RAB10: variants seen among roughly 807,000 people sequenced by gnomAD.
RAB10 encodes the protein RAB10, member RAS oncogene family.
RAB10 carries 5 observed loss-of-function variants against 25.7 expected under a neutral mutation model. The ratio of observed to expected loss-of-function variants is 0.19; its 90% CI spans 0.10 to 0.41. The LOEUF (loss-of-function observed/expected upper bound fraction) is 0.41. RAB10 is among the 10% of genes least tolerant of loss of function. The probability of loss-of-function intolerance (pLI) is 1.00; values close to 1 mark genes in which losing one functional copy is unlikely to be tolerated. For synonymous variants in RAB10, 89 were observed against 86.4 expected (o/e 1.03, Z -0.16); for missense variants, 103 against 245.8 (o/e 0.42, Z 3.89).
rs796327607 is a variant in RAB10 at position 26,132,764 on chromosome 2, C to CG, written c.520-2174_520-2173insG. Among the ~76,000 whole-genome samples, 76 of 137,068 alleles carry CG rather than the reference C, an allele frequency of 5.5e-4. 1 individual carries two copies. In the East Asian group the frequency reaches 0.011, roughly 20 times the overall value. The allele number at this position is 137,068 out of a possible 152,430, so 89.9% of individuals were successfully genotyped here. On this transcript the variant is annotated intron_variant, in intron 5 of 5. Coordinates refer to ENST00000264710, the MANE Select transcript of RAB10 (RefSeq NM_016131.5). ...AAGATTTTGCTCCGCAAGAGATACC[C>CG]CCCCCCCTTTTTTTTAAATCTGTTT...
intron 1 of RAB10, among the ~76,000 whole-genome samples, chr2:26,035,412 A>G (rs887827941): frequency 4.6e-5 from 7 of 152,252 alleles, no homozygotes; most frequent in Admixed American, 3.9e-4. Flanking sequence ...TCTCTCTTCT[A>G]TTTTATTTGA....
chr2:26,055,991 C>A (rs553316196), intron 1 of RAB10, among the ~76,000 whole-genome samples: 1 of 151,886 alleles, frequency 6.6e-6, no homozygotes, highest in African/African-American at 2.4e-5. Context: ...AACTTCCAGG[C>A]TCAAGCGATC....
intron 1 of RAB10, among the ~76,000 whole-genome samples, chr2:26,082,220 G>A (rs922213478): frequency 6.6e-6 from 1 of 152,068 alleles, no homozygotes; most frequent in Admixed American, 6.5e-5. Context: ...GTATAATTCT[G>A]TAAGGTTCTT....
intron 1 of RAB10, among the ~76,000 whole-genome samples, chr2:26,046,693 T>C (rs547941700): frequency 1.3e-5 from 2 of 152,254 alleles, no homozygotes; most frequent in Admixed American, 6.5e-5. Flanking sequence ...CTGGGATTTA[T>C]AGGTGGGAGC....
chr2:26,112,721 C>A (rs553961691), intron 3 of RAB10, among the ~76,000 whole-genome samples: 2 of 152,202 alleles, frequency 1.3e-5, no homozygotes, highest in South Asian at 4.2e-4. Context: ...TATTATCATA[C>A]CACTGTGCTT....
chr2:26,106,323 C>G (rs549201342), intron 2 of RAB10, among the ~76,000 whole-genome samples: 1 of 152,282 alleles, frequency 6.6e-6, no homozygotes, highest in East Asian at 1.9e-4. Flanking sequence ...ATCAATCTAT[C>G]TGGTTGTAAA....
intron 1 of RAB10, among the ~76,000 whole-genome samples, chr2:26,052,246 C>A (rs1315116129): frequency 6.6e-6 from 1 of 151,148 alleles, no homozygotes; most frequent in African/African-American, 2.4e-5. Flanking sequence ...AGTAACTGAT[C>A]ATGGTGGTTC....
Position 26,120,583 on chromosome 2 carries a change from AGGGAGTTTCTT to A in RAB10, c.328-6560_328-6550del, listed in dbSNP as rs564311246. Among the ~76,000 whole-genome samples the A allele has an allele frequency of 4.3e-4, 65 of 151,810 alleles. 2 individuals carry two copies. In the South Asian group the frequency reaches 0.013, roughly 30 times the overall value. ...AGATAAGACCATGGAATCCCTAAAT[AGGGAGTTTCTT>A]TTTTTTTTTTCTTGAGACGGAGTCT... On this transcript the variant is annotated intron_variant, in intron 3 of 5. Coordinates refer to ENST00000264710, the MANE Select transcript of RAB10 (RefSeq NM_016131.5).
chr2:26,111,255 G>A (rs1463624876), intron 3 of RAB10, among the ~76,000 whole-genome samples: 2 of 152,092 alleles, frequency 1.3e-5, no homozygotes, highest in Non-Finnish European at 2.9e-5. Context: ...CCACTGTTTT[G>A]TTGCTACAAT....
intron 1 of RAB10, among the ~76,000 whole-genome samples, chr2:26,038,053 A>T (rs1336417747): frequency 6.6e-6 from 1 of 151,186 alleles, no homozygotes; most frequent in African/African-American, 2.4e-5. Context: ...CACCTGGCTA[A>T]TTTTGTATTT....
intron 1 of RAB10, among the ~76,000 whole-genome samples, chr2:26,041,858 C>T (rs1281486428): frequency 1.3e-5 from 2 of 151,992 alleles, no homozygotes; most frequent in African/African-American, 4.8e-5. Context: ...GAGCCGAGAT[C>T]GTGCCATTGT....
chr2:26,106,179 A>G (rs868171810), intron 2 of RAB10, among the ~76,000 whole-genome samples: 1 of 152,248 alleles, frequency 6.6e-6, no homozygotes, highest in South Asian at 2.1e-4. Flanking sequence ...GTGGGAAAAC[A>G]GCAACTGGAG....
intron 1 of RAB10, among the ~76,000 whole-genome samples, chr2:26,059,633 T>C (rs1057246332): frequency 6.6e-6 from 1 of 152,184 alleles, no homozygotes; most frequent in African/African-American, 2.4e-5. Flanking sequence ...TCCAAGTATA[T>C]ATCCCAAAGA....
chr2:26,065,985 C>T (rs1399125822), intron 1 of RAB10, among the ~76,000 whole-genome samples: 1 of 152,160 alleles, frequency 6.6e-6, no homozygotes, highest in Non-Finnish European at 1.5e-5. Flanking sequence ...GTATTCTCAT[C>T]ATCACTAAAA....
chr2:26,136,981 G>C lies in RAB10; in HGVS notation c.*1960G>C, dbSNP rs553109621. 1 of 152,606 alleles carries C rather than the reference G, an allele frequency of 6.6e-6. No individual in the cohort carries two copies. Among genetic ancestry groups the C allele is most frequent in the African/African-American group, 2.4e-5 (1 of 41,456 alleles). 9.5% of individuals were successfully genotyped at this position (152,606 alleles called of 1,614,324 possible). ...TTAAACCTACTGTTGTTAGATTAAT[G>C]TATTTGTTGCTTCCCTTTATCTGGA... On this transcript the variant is annotated 3_prime_UTR_variant, in exon 6 of 6. Coordinates refer to ENST00000264710, the MANE Select transcript of RAB10 (RefSeq NM_016131.5).
At chr2:26,078,476 A>G (rs578162335) in intron 1 of RAB10, among the ~76,000 whole-genome samples, 2 of 152,348 alleles carry the variant, frequency 1.3e-5, no homozygotes, top group South Asian at 4.1e-4. Context: ...TGTACAGATC[A>G]GTGGAATAGA....
chr2:26,091,020 A>G lies in RAB10; in HGVS notation c.128-7642A>G, dbSNP rs182322057. ...AAAAAGCTGATGGAAAGCAGAGTAG[A>G]AAAGGGTGGGGCTTGTCAAGTGATG... On this transcript the variant is annotated intron_variant, in intron 1 of 5. Transcript: ENST00000264710. 4.1e-3 allele frequency among the ~76,000 whole-genome samples: 630 copies of G among 152,144 alleles called. 3 individuals are homozygous for G. The highest frequency in any genetic ancestry group is 0.015 in the African/African-American group (608 of 41,480).
intron 3 of RAB10, among the ~76,000 whole-genome samples, chr2:26,118,492 T>C (rs1233095040): frequency 6.6e-6 from 1 of 152,082 alleles, no homozygotes; most frequent in African/African-American, 2.4e-5. Context: ...TAGTCAAATA[T>C]CAGAACAACT....
At chr2:26,062,282 T>G (rs1447561114) in intron 1 of RAB10, among the ~76,000 whole-genome samples, 1 of 152,176 alleles carries the variant, frequency 6.6e-6, no homozygotes, top group Non-Finnish European at 1.5e-5. Context: ...CTCCATAGCC[T>G]TAGTGTAATT....
Sources: allele counts gnomAD v4.1 joint callset (sites outside exome capture counted in the v4.1 genomes callset), GRCh38; gene constraint gnomAD v4.1.1; transcripts MANE v1.5; gene names NCBI Gene and HGNC (gene_info 2026-07-23, HGNC 2026-07-21).